FRMD4A: variants seen among roughly 807,000 people sequenced by gnomAD.
The protein encoded by FRMD4A is FERM domain containing 4A, also known as FERM domain-containing protein 4A.
FRMD4A carries 29 observed loss-of-function variants against 129.1 expected under a neutral mutation model. The observed-to-expected ratio is 0.22, with a 90% CI of 0.17 to 0.31. FRMD4A has a LOEUF of 0.31. FRMD4A is among the 10% of genes least tolerant of loss of function. The pLI is 1.00. For missense variants in FRMD4A, 1,272 were observed against 1,375.8 expected, an observed-to-expected ratio of 0.92 and a Z score of 1.19; for synonymous variants, 634 against 571.6, an observed-to-expected ratio of 1.11 and a Z score of -1.56.
At chr10:13,971,138 TCACACACATGCATGCATACTCACAGG>T (rs1170195264) in intron 2 of FRMD4A, among the ~76,000 whole-genome samples, 1 of 150,814 alleles carries the variant, frequency 6.6e-6, no homozygotes, top group Non-Finnish European at 1.5e-5. Flanking sequence ...ACGCACGCGC[TCACACACATGCATGCATACTCACAGG>T]CACACACATG....
chr10:13,913,802 C>G (rs2131235470), intron 2 of FRMD4A, among the ~76,000 whole-genome samples: 1 of 152,336 alleles, frequency 6.6e-6, no homozygotes, highest in African/African-American at 2.4e-5. Flanking sequence ...CTCCCAAAGT[C>G]CCTGTCCCTG....
intron 3 of FRMD4A, among the ~76,000 whole-genome samples, chr10:13,825,321 T>C (rs1033222802): frequency 6.6e-6 from 1 of 152,040 alleles, no homozygotes; most frequent in Non-Finnish European, 1.5e-5. Context: ...GTGGGGAGCG[T>C]CAACACTAGG....
At chr10:14,162,483 T>C (rs534023071) in intron 2 of FRMD4A, among the ~76,000 whole-genome samples, 2 of 152,336 alleles carry the variant, frequency 1.3e-5, no homozygotes, top group South Asian at 2.1e-4. Flanking sequence ...ATATGAGGAA[T>C]GAACGAGCTC....
At chr10:14,235,995 G>A (rs916117820) in intron 2 of FRMD4A, among the ~76,000 whole-genome samples, 2 of 152,202 alleles carry the variant, frequency 1.3e-5, no homozygotes, top group African/African-American at 2.4e-5. Flanking sequence ...AAATCCTGGA[G>A]CAAGAATTTG....
chr10:14,033,723 T>A (rs1166300092), intron 2 of FRMD4A, among the ~76,000 whole-genome samples: 1 of 150,378 alleles, frequency 6.6e-6, no homozygotes, highest in East Asian at 1.9e-4. Flanking sequence ...AGGTGGAGGT[T>A]GCAGTGAGCC....
At chr10:14,094,445 A>C (rs1470636852) in intron 2 of FRMD4A, among the ~76,000 whole-genome samples, 6 of 152,166 alleles carry the variant, frequency 3.9e-5, no homozygotes, top group African/African-American at 1.2e-4. Context: ...CCTGCTTCCC[A>C]ACCCTGGTGT....
At chr10:14,320,030 G>A (rs903340726) in intron 2 of FRMD4A, among the ~76,000 whole-genome samples, 7 of 152,022 alleles carry the variant, frequency 4.6e-5, no homozygotes, top group East Asian at 1.9e-4. Flanking sequence ...TCTCCCTTCA[G>A]AATGTTTCAG....
intron 2 of FRMD4A, among the ~76,000 whole-genome samples, chr10:14,059,840 G>A (rs1588888666): frequency 6.6e-6 from 1 of 152,300 alleles, no homozygotes; most frequent in Non-Finnish European, 1.5e-5. Flanking sequence ...AGTCAAAATA[G>A]CTATCACATA....
intron 2 of FRMD4A, among the ~76,000 whole-genome samples, chr10:14,240,241 G>A (rs1843993771): frequency 6.6e-6 from 1 of 152,110 alleles, no homozygotes; most frequent in South Asian, 2.1e-4. Flanking sequence ...CAACCGAAAC[G>A]CCCTGTTGGA....
intron 2 of FRMD4A, among the ~76,000 whole-genome samples, chr10:14,223,405 C>T (rs1260891587): frequency 1.3e-5 from 2 of 152,108 alleles, no homozygotes; most frequent in East Asian, 1.9e-4. Context: ...ACTACACTGC[C>T]GTTGGCTCCC....
At chr10:14,296,847 C>G (rs1196932181) in intron 2 of FRMD4A, among the ~76,000 whole-genome samples, 1 of 152,184 alleles carries the variant, frequency 6.6e-6, no homozygotes, top group Admixed American at 6.5e-5. Flanking sequence ...ATACAACTCC[C>G]TTTCCCCCCA....
intron 2 of FRMD4A, among the ~76,000 whole-genome samples, chr10:14,094,760 T>G (rs1836854482): frequency 6.6e-6 from 1 of 152,208 alleles, no homozygotes; most frequent in African/African-American, 2.4e-5. Context: ...TTGCTCAGGT[T>G]AGAGGTGTAA....
intron 2 of FRMD4A, among the ~76,000 whole-genome samples, chr10:13,970,388 C>T (rs1251224423): frequency 2.6e-5 from 4 of 152,170 alleles, no homozygotes; most frequent in African/African-American, 4.8e-5. Flanking sequence ...GGCACATCTT[C>T]CAGGGCGCCT....
At chr10:13,742,029 G>C (rs1983886) in intron 9 of FRMD4A, among the ~76,000 whole-genome samples, 137,674 of 152,178 alleles carry the variant, frequency 0.9, 62,375 homozygotes, top group East Asian at 1. Context: ...GCTAATTTTT[G>C]TATTTTTAGT....
intron 5 of FRMD4A, among the ~76,000 whole-genome samples, chr10:13,794,666 G>T (rs2093075658): frequency 6.6e-6 from 1 of 152,224 alleles, no homozygotes; most frequent in Non-Finnish European, 1.5e-5. Flanking sequence ...CAGATGGCGT[G>T]TATAAAGACA....
intron 3 of FRMD4A, among the ~76,000 whole-genome samples, chr10:13,833,775 C>T (rs2093827906): frequency 6.6e-6 from 1 of 152,046 alleles, no homozygotes; most frequent in Non-Finnish European, 1.5e-5. Context: ...CTCAACAACA[C>T]TATGAGGCAG....
intron 3 of FRMD4A, among the ~76,000 whole-genome samples, chr10:13,817,710 G>A (rs1052683644): frequency 2.0e-5 from 3 of 152,182 alleles, no homozygotes; most frequent in African/African-American, 4.8e-5. Context: ...GCCTTCCGCC[G>A]TGATTGTGAG....
At chr10:13,910,908 A>G in intron 2 of FRMD4A, among the ~76,000 whole-genome samples, 1 of 147,054 alleles carries the variant, frequency 6.8e-6, no homozygotes. Context: ...AAAAAAAAAA[A>G]AAAAAAAAAA....
chr10:13,823,359 C>T (rs938035758), intron 3 of FRMD4A, among the ~76,000 whole-genome samples: 16 of 152,190 alleles, frequency 1.1e-4, no homozygotes, highest in Non-Finnish European at 2.1e-4. Flanking sequence ...GTGAGTCTAG[C>T]GTGGCTCCCC....
Sources: gnomAD v4.1 joint callset for allele counts (sites outside exome capture counted in the v4.1 genomes callset) on GRCh38, gnomAD v4.1.1 for gene constraint, MANE v1.5 for transcripts, NCBI Gene and HGNC (gene_info 2026-07-23, HGNC 2026-07-21) for gene names.